Variants in ANPEP observed in about 807,000 individuals in gnomAD.
ANPEP encodes the protein aminopeptidase N.
A neutral mutation model predicts 114.6 loss-of-function variants in ANPEP; 70 were observed. That is an observed-to-expected ratio of 0.61 (90% CI 0.50 to 0.75). ANPEP has a LOEUF of 0.75. Ranked by LOEUF, ANPEP falls within the 30% of genes least tolerant of loss-of-function variation. ANPEP has a pLI of 0.00. For missense variants in ANPEP, 1,184 were observed against 1,259.5 expected, an observed-to-expected ratio of 0.94 and a Z score of 0.91; for synonymous variants, 548 against 522.3, an observed-to-expected ratio of 1.05 and a Z score of -0.67.
At chr15:89,805,842 G>A (rs1486363999) in intron 2 of ANPEP, 128 bp downstream of exon 2, 28 of 1,304,056 alleles carry the variant, frequency 2.1e-5, no homozygotes, top group Non-Finnish European at 2.9e-5. Flanking sequence ...TGGAGGTGAA[G>A]CAATGGGCCA....
rs1251961861 is a variant in ANPEP, at chr15:89,786,821, A to G, written c.2752-1320T>C. On this transcript the variant is annotated intron_variant, in intron 20 of 20. Transcript: ENST00000300060. ...TATAGATGAATGAAATAGAATTGAGAATCCAAAAACAAACCCTTATATTTA... is the reference window on the plus strand; with the variant it reads ...TATAGATGAATGAAATAGAATTGAGGATCCAAAAACAAACCCTTATATTTA... 2.0e-5 allele frequency among the ~76,000 whole-genome samples: 3 copies of G among 152,166 alleles called. No individual in the cohort carries two copies. The East Asian group carries it at 5.8e-4, about 29-fold the overall frequency.
At chr15:89,790,664 C>T in intron 19 of ANPEP, 123 bp from the exon 20 acceptor site, 2 of 902,714 alleles carry the variant, frequency 2.2e-6, no homozygotes, top group Non-Finnish European at 3.5e-6. Context: ...TGGGAGACCC[C>T]ACTAGGATGT....
At chr15:89,790,145 G>C (rs1235258438) in intron 20 of ANPEP, among the ~76,000 whole-genome samples, 2 of 150,042 alleles carry the variant, frequency 1.3e-5, no homozygotes, top group East Asian at 3.9e-4. Flanking sequence ...TACATGATCA[G>C]TGATTTGCTT....
chr15:89,810,816 C>T (rs1419696617), intron 1 of ANPEP, among the ~76,000 whole-genome samples: 1 of 152,246 alleles, frequency 6.6e-6, no homozygotes, highest in East Asian at 1.9e-4. Context: ...AACGCTCTCC[C>T]CTGTCACTTC....
In ANPEP at chr15:89,801,595, G is replaced by T; in HGVS notation, c.1582C>A (p.Arg528=). ...WDHLQEAVNN[R]SIQLPTTVRD... ...ACGGTGGTGGGGAGTTGGATGGACCGGTTGTTCACAGCCTGTGGGTGGAGC... is the reference window on the plus strand; with the variant it reads ...ACGGTGGTGGGGAGTTGGATGGACCTGTTGTTCACAGCCTGTGGGTGGAGC... The change falls in exon 11 of 21, where the codon CGG becomes AGG. Residue 528 remains arginine (R), a synonymous_variant. Coordinates refer to ENST00000300060, the MANE Select transcript of ANPEP (RefSeq NM_001150.3). 1 of 1,613,840 alleles carries T rather than the reference G, an allele frequency of 6.2e-7. No homozygotes were observed. Among genetic ancestry groups the T allele is most frequent in the Non-Finnish European group, 8.5e-7 (1 of 1,179,838 alleles).
intron 11 of ANPEP, 26 bp from the exon 12 acceptor site, chr15:89,801,213 G>A (rs372068433): frequency 1.2e-6 from 2 of 1,612,344 alleles, no homozygotes; most frequent in South Asian, 1.1e-5. Context: ...CAGAGGTGGT[G>A]AGAGATGGCG....
chr15:89,788,962 G>C (rs1205619575), intron 20 of ANPEP, among the ~76,000 whole-genome samples: 1 of 151,642 alleles, frequency 6.6e-6, no homozygotes, highest in Non-Finnish European at 1.5e-5. Flanking sequence ...TGGTGAGTTT[G>C]ATGGTCCATG....
chr15:89,797,847 C>T (rs989163096), intron 14 of ANPEP, 125 bp from the exon 15 acceptor site: 169 of 1,328,104 alleles, frequency 1.3e-4, no homozygotes, highest in Non-Finnish European at 1.6e-4. Flanking sequence ...CTCCTGGAGC[C>T]GGAGGTCCCA....
chr15:89,789,639 G>T (rs180951759), intron 20 of ANPEP, among the ~76,000 whole-genome samples: 2 of 151,778 alleles, frequency 1.3e-5, no homozygotes, highest in Non-Finnish European at 2.9e-5. Context: ...CGGGTGTGGG[G>T]GCGCATGCCT....
At chr15:89,804,672 G>A (rs1228779807) in intron 4 of ANPEP, 55 bp from the exon 5 acceptor site, 3 of 1,591,390 alleles carry the variant, frequency 1.9e-6, no homozygotes, top group Non-Finnish European at 2.6e-6. Context: ...CCTGGGGCAG[G>A]TGGGCTGGGT....
At chr15:89,793,981 C>T (rs1277840055) in intron 15 of ANPEP, among the ~76,000 whole-genome samples, 1 of 152,170 alleles carries the variant, frequency 6.6e-6, no homozygotes, top group East Asian at 1.9e-4. Flanking sequence ...TCTGTGCCCA[C>T]CTGGATCCAC....
Position 89,806,451 on chromosome 15 carries a change from G to A in ANPEP, c.133C>T (p.Pro45Ser). The stretch of plus-strand genomic sequence containing the variant: ...GCGGACGGGGTGGTGGAGGCCACGG[G>A]GGAGCTGTTGGCGTTCTTGTTCTTC... ...QEKNKNANSS[P>S]VASTTPSASA... The change falls in exon 2 of 21, where the codon CCC (proline) becomes TCC (serine). Residue 45 changes from proline (P) to serine (S), a missense_variant. By Grantham distance (74) the Pro-to-Ser change is moderately conservative. Transcript: ENST00000300060. This position sits in a 1 kb window ranked among gnomAD's most constrained non-coding sequence, Gnocchi z 5.7. 1.2e-6 allele frequency: 2 copies of A among 1,614,038 alleles called. No homozygotes were observed. Among genetic ancestry groups the A allele is most frequent in the Non-Finnish European group, 1.7e-6 (2 of 1,179,908 alleles).
intron 16 of ANPEP, 72 bp from the exon 17 acceptor site, chr15:89,792,634 C>G: frequency 1.4e-5 from 19 of 1,337,512 alleles, no homozygotes; most frequent in Non-Finnish European, 1.9e-5. Context: ...GACACACAAC[C>G]CCAGGCCGGC....
intron 6 of ANPEP, 103 bp downstream of exon 6, chr15:89,804,150 C>A (rs575622251): frequency 6.4e-7 from 1 of 1,571,258 alleles, no homozygotes; most frequent in Non-Finnish European, 8.7e-7. Context: ...TGCCAGGCGG[C>A]ACCCTCCTCC....
rs554426032 is a variant in ANPEP, at chr15:89,801,424, C to T, written c.1742+11G>A. The T allele has an allele frequency of 1.7e-5, 28 of 1,613,750 alleles. No homozygotes were observed. The South Asian group carries it at 3.0e-4, about 17-fold the overall frequency. On this transcript the variant is annotated intron_variant, in intron 11 of 20. Transcript: ENST00000300060. ...CCACCTGACCATGCCTCAGTGACCC[C>T]ATCTGCTCACTTGAATTCTGAGGGG...
chr15:89,785,483 CCTT>C lies in ANPEP; in HGVS notation c.2767_2769del (p.Lys923del), dbSNP rs773012110. On this transcript the variant is annotated inframe_deletion, in exon 21 of 21. Coordinates refer to ENST00000300060, the MANE Select transcript of ANPEP (RefSeq NM_001150.3). The stretch of plus-strand genomic sequence containing the variant: ...GAGCCGAAGCCTGTTTCCTCGTTGT[CCTT>C]CTTGAACTGCTCCAGCTGCCAGAAA... 1.9e-6 allele frequency: 3 copies of C among 1,613,898 alleles called. No homozygotes were observed. The highest frequency in any genetic ancestry group is 2.5e-6 in the Non-Finnish European group (3 of 1,179,910).
chr15:89,789,927 C>T lies in ANPEP; in HGVS notation c.2751+533G>A, dbSNP rs1055246932. ...CAAAAAAATTAGCCAGGCGCGGTGG[C>T]GGGCACTTGTAGTCCCAGCTACTCA... On this transcript the variant is annotated intron_variant, in intron 20 of 20. Transcript: ENST00000300060. Among the ~76,000 whole-genome samples, 19 of 151,854 alleles carry T rather than the reference C, an allele frequency of 1.3e-4. No individual in the cohort carries two copies. The South Asian group carries it at 1.9e-3, about 15-fold the overall frequency.
At chr15:89,794,624 C>T (rs1333641050) in intron 15 of ANPEP, among the ~76,000 whole-genome samples, 2 of 150,420 alleles carry the variant, frequency 1.3e-5, no homozygotes, top group Non-Finnish European at 3.0e-5. Context: ...GTCCCCACTT[C>T]CCTCCTTGTA....
At chr15:89,791,204 G>GCC in intron 18 of ANPEP, 111 bp from the exon 19 acceptor site, 1 of 1,280,932 alleles carries the variant, frequency 7.8e-7, no homozygotes, top group Non-Finnish European at 1.1e-6. Context: ...CATCCCCTCG[G>GCC]CCTGCCAGGG....
Sources: allele counts gnomAD v4.1 joint callset (sites outside exome capture counted in the v4.1 genomes callset), GRCh38; gene constraint gnomAD v4.1.1; non-coding constraint Gnocchi (gnomAD v3.1); transcripts MANE v1.5; gene names NCBI Gene and HGNC (gene_info 2026-07-23, HGNC 2026-07-21).